The following NRG3 variants were observed in gnomAD, a reference collection of about 807,000 sequenced individuals.
NRG3 encodes neuregulin 3, also known as pro-neuregulin-3, membrane-bound isoform.
A neutral mutation model predicts 66.9 loss-of-function variants in NRG3; 31 were observed. The ratio of observed to expected loss-of-function variants is 0.46; its 90% CI spans 0.35 to 0.63. The LOEUF is 0.63. Ranked by LOEUF, NRG3 falls within the 20% of genes least tolerant of loss-of-function variation. NRG3 has a pLI of 0.00. For synonymous variants in NRG3, 393 were observed against 359.4 expected, an observed-to-expected ratio of 1.09 and a Z score of -1.06; for missense variants, 910 against 878.9, an observed-to-expected ratio of 1.04 and a Z score of -0.45.
intron 1 of NRG3, among the ~76,000 whole-genome samples, chr10:82,043,751 A>G (rs1464248364): frequency 6.6e-6 from 1 of 152,052 alleles, no homozygotes; most frequent in East Asian, 1.9e-4. Flanking sequence ...CATAGTTAAT[A>G]GGATCTTGGA....
chr10:82,498,251 A>G (rs2132315413), intron 2 of NRG3, among the ~76,000 whole-genome samples: 1 of 152,294 alleles, frequency 6.6e-6, no homozygotes, highest in Non-Finnish European at 1.5e-5. Flanking sequence ...AGGGGAAATA[A>G]ACAAGGGTGA....
At position 82,247,730 on chromosome 10, in the gene NRG3, G is replaced by C. The variant is rs118124011; in HGVS notation, c.824-111009G>C. ...AGTGAATCCTTGAAAATTCAGACCA[G>C]AGTCTGAATGTACCCCTCTAGGGTA... On this transcript the variant is annotated intron_variant, in intron 1 of 8. Transcript: ENST00000372141. Among the ~76,000 whole-genome samples the C allele has an allele frequency of 3.0e-3, 463 of 152,260 alleles. 2 individuals are homozygous for C. The highest frequency in any genetic ancestry group is 4.8e-3 in the Non-Finnish European group (326 of 68,020).
At chr10:82,384,148 A>G (rs1165975946) in intron 2 of NRG3, among the ~76,000 whole-genome samples, 1 of 152,126 alleles carries the variant, frequency 6.6e-6, no homozygotes, top group East Asian at 1.9e-4. Flanking sequence ...AACTTATTTA[A>G]TTTTATTCAC....
chr10:81,963,122 GCT>G (rs2059585347), intron 1 of NRG3, among the ~76,000 whole-genome samples: 1 of 129,642 alleles, frequency 7.7e-6, no homozygotes, highest in Non-Finnish European at 1.5e-5. Context: ...TGCCACGAGG[GCT>G]CTTTTTTTTT....
At chr10:82,261,502 A>G (rs926127636) in intron 1 of NRG3, among the ~76,000 whole-genome samples, 30 of 152,172 alleles carry the variant, frequency 2.0e-4, no homozygotes, top group Non-Finnish European at 8.8e-5. Flanking sequence ...CAGCGGCGCT[A>G]GAGGAATTAA....
intron 1 of NRG3, among the ~76,000 whole-genome samples, chr10:81,975,000 G>A (rs545527143): frequency 6.6e-6 from 1 of 151,868 alleles, no homozygotes; most frequent in Non-Finnish European, 1.5e-5. Context: ...AATCTGGTAA[G>A]CCTTCAGTTT....
At chr10:82,107,356 A>G (rs2067131033) in intron 1 of NRG3, among the ~76,000 whole-genome samples, 1 of 152,186 alleles carries the variant, frequency 6.6e-6, no homozygotes, top group East Asian at 1.9e-4. Context: ...AAATAGGATA[A>G]ATAAGATTTA....
intron 2 of NRG3, among the ~76,000 whole-genome samples, chr10:82,698,005 A>G (rs116276955): frequency 1.3e-3 from 191 of 152,224 alleles, no homozygotes; most frequent in African/African-American, 4.2e-3. Flanking sequence ...TGACATTGTA[A>G]ACAGCTAAAT....
intron 4 of NRG3, among the ~76,000 whole-genome samples, chr10:82,932,569 C>T (rs1847676611): frequency 6.6e-6 from 1 of 152,026 alleles, no homozygotes; most frequent in Admixed American, 6.6e-5. Flanking sequence ...TGGATCTTTC[C>T]ACCTCTGACT....
At chr10:82,532,514 T>TA (rs1847373655) in intron 2 of NRG3, among the ~76,000 whole-genome samples, 1 of 147,782 alleles carries the variant, frequency 6.8e-6, no homozygotes, top group Non-Finnish European at 1.5e-5. Context: ...TACATCTATA[T>TA]GTATATAGTA....
intron 1 of NRG3, among the ~76,000 whole-genome samples, chr10:81,975,688 G>C (rs2060099267): frequency 6.6e-6 from 1 of 152,136 alleles, no homozygotes; most frequent in Non-Finnish European, 1.5e-5. Context: ...GAGAATCATG[G>C]CCTTCCAAAG....
At chr10:82,534,428 C>A (rs1193819350) in intron 2 of NRG3, among the ~76,000 whole-genome samples, 8 of 151,996 alleles carry the variant, frequency 5.3e-5, no homozygotes, top group Admixed American at 2.6e-4. Context: ...CTACACCTGG[C>A]TAATTTTTAT....
intron 2 of NRG3, among the ~76,000 whole-genome samples, chr10:82,502,597 C>T (rs187041302): frequency 1.4e-4 from 22 of 152,184 alleles, no homozygotes; most frequent in South Asian, 4.2e-4. Flanking sequence ...ACACTGGAAC[C>T]GAAGTCAGGA....
At chr10:82,383,541 G>T (rs2085770581) in intron 2 of NRG3, among the ~76,000 whole-genome samples, 1 of 151,956 alleles carries the variant, frequency 6.6e-6, no homozygotes, top group Non-Finnish European at 1.5e-5. Flanking sequence ...TTAACACCAT[G>T]ATTGTTTTTG....
At chr10:82,870,343 A>T (rs1037762909) in intron 4 of NRG3, among the ~76,000 whole-genome samples, 11 of 152,228 alleles carry the variant, frequency 7.2e-5, no homozygotes, top group Non-Finnish European at 1.6e-4. Flanking sequence ...TTTGAAGGAC[A>T]TCTTAGTTGT....
At chr10:82,792,701 A>T (rs924636967) in intron 3 of NRG3, among the ~76,000 whole-genome samples, 1 of 151,386 alleles carries the variant, frequency 6.6e-6, no homozygotes. Context: ...TATTTTTTTG[A>T]CGGAGTTTTG....
chr10:81,911,597 A>G (rs1293690694), intron 1 of NRG3, among the ~76,000 whole-genome samples: 2 of 141,496 alleles, frequency 1.4e-5, no homozygotes, highest in Non-Finnish European at 1.5e-5. Context: ...CCTCTAGCAC[A>G]GACTTGTTTT....
At chr10:81,897,883 A>G (rs1174217352) in intron 1 of NRG3, among the ~76,000 whole-genome samples, 1 of 152,102 alleles carries the variant, frequency 6.6e-6, no homozygotes, top group African/African-American at 2.4e-5. Flanking sequence ...TGCAGTGGGG[A>G]TGTTACTATC....
intron 1 of NRG3, among the ~76,000 whole-genome samples, chr10:81,876,465 C>G (rs752726696): frequency 9.2e-5 from 14 of 152,144 alleles, no homozygotes; most frequent in Non-Finnish European, 1.6e-4. Flanking sequence ...AACGCGAGTG[C>G]GATCCCTCCT....
Sources: allele counts gnomAD v4.1 joint callset (sites outside exome capture counted in the v4.1 genomes callset), GRCh38; gene constraint gnomAD v4.1.1; transcripts MANE v1.5; gene names NCBI Gene and HGNC (gene_info 2026-07-23, HGNC 2026-07-21).